The following PEX14 variants were observed in gnomAD, a reference collection of about 807,000 sequenced individuals.
PEX14 encodes the protein peroxisomal biogenesis factor 14, also known as peroxisomal membrane protein PEX14.
In PEX14, 15 loss-of-function variants were observed where a neutral mutation model predicts 49.5. That is an observed-to-expected ratio of 0.30 (90% CI 0.20 to 0.47). The LOEUF (loss-of-function observed/expected upper bound fraction) is 0.47, where lower values mean the gene tolerates loss of function less well. Among genes scored for constraint, PEX14 ranks in the 20% least tolerant of loss-of-function variants. The pLI is 1.00. For missense variants in PEX14, 398 were observed against 494.8 expected, an observed-to-expected ratio of 0.80 and a Z score of 1.86; for synonymous variants, 210 against 212.7, an observed-to-expected ratio of 0.99 and a Z score of 0.11.
intron 2 of PEX14, among the ~76,000 whole-genome samples, chr1:10,497,365 AAC>A (rs1039748003): frequency 1.3e-5 from 2 of 152,146 alleles, no homozygotes; most frequent in African/African-American, 4.8e-5. Flanking sequence ...GGTTTGTGAA[AAC>A]ACACAGCAGT....
intron 1 of PEX14, among the ~76,000 whole-genome samples, chr1:10,483,136 C>T (rs1641310827): frequency 6.6e-6 from 1 of 152,142 alleles, no homozygotes; most frequent in Non-Finnish European, 1.5e-5. Context: ...AAATTAGTTG[C>T]TTTCTTTGCA....
intron 2 of PEX14, among the ~76,000 whole-genome samples, chr1:10,516,148 C>T (rs1258439426): frequency 3.3e-5 from 5 of 152,230 alleles, no homozygotes. Context: ...CAATTTTTGA[C>T]ATCTGCACTG....
chr1:10,603,976 T>C (rs990678205), intron 4 of PEX14, among the ~76,000 whole-genome samples: 1 of 152,232 alleles, frequency 6.6e-6, no homozygotes, highest in African/African-American at 2.4e-5. Context: ...CTCTGTTTAT[T>C]TCTTTTGTAG....
chr1:10,591,442 G>T (rs112295897), intron 3 of PEX14, among the ~76,000 whole-genome samples: 1 of 152,098 alleles, frequency 6.6e-6, no homozygotes, highest in African/African-American at 2.4e-5. Context: ...ATCAAGTCTG[G>T]TTGGTTTGTT....
At chr1:10,559,221 C>T (rs1038628037) in intron 3 of PEX14, among the ~76,000 whole-genome samples, 1 of 152,024 alleles carries the variant, frequency 6.6e-6, no homozygotes, top group Non-Finnish European at 1.5e-5. Context: ...GTACAATCAC[C>T]CCCTTTTCTT....
chr1:10,533,745 T>C (rs1218156908), intron 2 of PEX14, among the ~76,000 whole-genome samples: 2 of 152,252 alleles, frequency 1.3e-5, no homozygotes, highest in African/African-American at 4.8e-5. Context: ...CCTGCTATTA[T>C]GTATTTTTAA....
intron 3 of PEX14, among the ~76,000 whole-genome samples, chr1:10,547,890 C>G (rs1301756264): frequency 6.6e-6 from 1 of 152,068 alleles, no homozygotes; most frequent in East Asian, 1.9e-4. Flanking sequence ...TTGATGTATT[C>G]TGTATCATCA....
intron 1 of PEX14, among the ~76,000 whole-genome samples, chr1:10,477,008 C>G (rs1641206992): frequency 6.6e-6 from 1 of 152,040 alleles, no homozygotes. Flanking sequence ...GCCCTCCTTT[C>G]CAAAGCTGGT....
At chr1:10,619,993 C>T (rs1472974461) in intron 5 of PEX14, among the ~76,000 whole-genome samples, 1 of 152,048 alleles carries the variant, frequency 6.6e-6, no homozygotes, top group East Asian at 1.9e-4. Context: ...CGGGCACCTG[C>T]AGTCCCAGCT....
chr1:10,504,587 C>T (rs937670484), intron 2 of PEX14, among the ~76,000 whole-genome samples: 3 of 152,140 alleles, frequency 2.0e-5, no homozygotes, highest in Non-Finnish European at 4.4e-5. Context: ...TGCCAAGAGG[C>T]CTTTCTCTCT....
At chr1:10,511,474 G>A (rs1200832113) in intron 2 of PEX14, among the ~76,000 whole-genome samples, 1 of 152,098 alleles carries the variant, frequency 6.6e-6, no homozygotes, top group Non-Finnish European at 1.5e-5. Flanking sequence ...AGATTTTTGT[G>A]TAGGGTTTAG....
chr1:10,561,688 C>G (rs776347109), intron 3 of PEX14, among the ~76,000 whole-genome samples: 3 of 152,168 alleles, frequency 2.0e-5, no homozygotes. Context: ...ATCATGTTAT[C>G]TGGTTACTCA....
chr1:10,537,341 A>ACACCCC (rs1638840260), intron 3 of PEX14, among the ~76,000 whole-genome samples: 1 of 28,430 alleles, frequency 3.5e-5, no homozygotes, highest in Non-Finnish European at 6.3e-5. Context: ...TTGTGCCAGC[A>ACACCCC]CCCCCCCCCC....
In PEX14 at chr1:10,630,454, G is replaced by T. The variant is rs907520812; in HGVS notation, c.*467G>T. On this transcript the variant is annotated 3_prime_UTR_variant, in exon 9 of 9. Coordinates refer to ENST00000356607, the MANE Select transcript of PEX14 (RefSeq NM_004565.3). The surrounding 1 kb of genome is among the most constrained non-coding windows in gnomAD (Gnocchi z 4.1). ...CCATCCCCCTCCCTCCCTGGGCCCG[G>T]CCCTGGACCCGTCAGGTGCCTGTCC... 5.7e-6 allele frequency: 1 copy of T among 175,798 alleles called. No individual in the cohort carries two copies. The highest frequency in any genetic ancestry group is 1.3e-4 in the South Asian group (1 of 7,496). 10.9% of individuals were successfully genotyped at this position (175,798 alleles called of 1,614,324 possible). A position where few individuals can be genotyped will look rare whatever the true frequency, so the allele number is the denominator to read the frequency against.
At chr1:10,483,052 T>C (rs1369364956) in intron 1 of PEX14, among the ~76,000 whole-genome samples, 1 of 152,232 alleles carries the variant, frequency 6.6e-6, no homozygotes, top group African/African-American at 2.4e-5. Context: ...ACGAGTCCCA[T>C]TGTCGAAGAT....
At chr1:10,519,826 G>A (rs1284627838) in intron 2 of PEX14, among the ~76,000 whole-genome samples, 1 of 152,182 alleles carries the variant, frequency 6.6e-6, no homozygotes, top group Non-Finnish European at 1.5e-5. Context: ...TGCTCAGGCT[G>A]GAGTGCAGTG....
chr1:10,487,040 C>CT (rs987418044), intron 1 of PEX14, among the ~76,000 whole-genome samples: 3 of 151,960 alleles, frequency 2.0e-5, no homozygotes, highest in Non-Finnish European at 2.9e-5. Context: ...GTCAGGTGCT[C>CT]TTTTTTGTCT....
At chr1:10,617,743 T>G (rs1360856054) in intron 4 of PEX14, among the ~76,000 whole-genome samples, 1 of 151,376 alleles carries the variant, frequency 6.6e-6, no homozygotes, top group Non-Finnish European at 1.5e-5. Context: ...TCTCATTCTC[T>G]GAAGCCTTGC....
chr1:10,556,086 C>T (rs948651549), intron 3 of PEX14, among the ~76,000 whole-genome samples: 8 of 152,140 alleles, frequency 5.3e-5, no homozygotes, highest in African/African-American at 1.9e-4. Flanking sequence ...GCCACTGAAA[C>T]CGCCTTCTGC....
Sources: allele counts gnomAD v4.1 joint callset (sites outside exome capture counted in the v4.1 genomes callset), GRCh38; gene constraint gnomAD v4.1.1; non-coding constraint Gnocchi (gnomAD v3.1); transcripts MANE v1.5; gene names NCBI Gene and HGNC (gene_info 2026-07-23, HGNC 2026-07-21).